Variants in CNTLN observed in about 807,000 individuals in gnomAD.
CNTLN encodes the protein centlein.
CNTLN carries 212 observed loss-of-function variants against 180.0 expected under a neutral mutation model. That is an observed-to-expected ratio of 1.18 (90% CI 1.05 to 1.32). The LOEUF (loss-of-function observed/expected upper bound fraction) is 1.32. CNTLN is among the 40% of genes most tolerant of loss of function. The pLI is 0.00. For missense variants in CNTLN, 2,095 were observed against 1,610.9 expected (o/e 1.30, Z -5.14); for synonymous variants, 722 against 563.1 (o/e 1.28, Z -3.99).
At chr9:17,463,957 G>T (rs1831598883) in intron 20 of CNTLN, among the ~76,000 whole-genome samples, 1 of 151,310 alleles carries the variant, frequency 6.6e-6, no homozygotes, top group Admixed American at 6.6e-5. Context: ...AGCAGCAGCA[G>T]TAGCAGTGGT....
intron 7 of CNTLN, chr9:17,298,652 A>T: frequency 9.7e-7 from 1 of 1,032,530 alleles, no homozygotes; most frequent in Non-Finnish European, 1.2e-6. Flanking sequence ...TATAGTCTCA[A>T]AACTGGAATG....
intron 7 of CNTLN, chr9:17,298,846 C>T (rs1818139224): frequency 1.0e-6 from 1 of 985,410 alleles, no homozygotes; most frequent in Non-Finnish European, 1.2e-6. Flanking sequence ...GTTCAGTAGT[C>T]TTTTACTTTA....
intron 18 of CNTLN, among the ~76,000 whole-genome samples, chr9:17,419,555 A>G (rs544472143): frequency 5.9e-5 from 9 of 152,300 alleles, no homozygotes; most frequent in African/African-American, 2.2e-4. Context: ...TAATTTAGAC[A>G]AAAAGTAGGA....
intron 7 of CNTLN, chr9:17,301,012 G>A (rs1331661288): frequency 1.0e-6 from 1 of 984,492 alleles, no homozygotes; most frequent in African/African-American, 1.7e-5. Context: ...GATGTATGTT[G>A]TAATAGTAGT....
intron 6 of CNTLN, among the ~76,000 whole-genome samples, chr9:17,281,998 C>G (rs1259325548): frequency 6.6e-6 from 1 of 152,110 alleles, no homozygotes; most frequent in South Asian, 2.1e-4. Context: ...AAGTCTCGCT[C>G]TGTTGCCAGG....
At chr9:17,162,574 A>G (rs16935377) in intron 2 of CNTLN, among the ~76,000 whole-genome samples, 2,895 of 152,328 alleles carry the variant, frequency 0.019, 59 homozygotes, top group African/African-American at 0.05. Flanking sequence ...GAGAACTGGA[A>G]TAGTGGTCTT....
chr9:17,189,370 C>A (rs1189833266), intron 2 of CNTLN, among the ~76,000 whole-genome samples: 1 of 151,832 alleles, frequency 6.6e-6, no homozygotes, highest in Non-Finnish European at 1.5e-5. Context: ...GCCTGAACCA[C>A]CGTGCCCGGC....
At chr9:17,450,021 C>T (rs1830691635) in intron 18 of CNTLN, among the ~76,000 whole-genome samples, 1 of 152,154 alleles carries the variant, frequency 6.6e-6, no homozygotes, top group Non-Finnish European at 1.5e-5. Context: ...TTAGCTAGAA[C>T]TTGTGTTACA....
At chr9:17,393,202 G>A (rs1352680538) in intron 14 of CNTLN, among the ~76,000 whole-genome samples, 1 of 151,870 alleles carries the variant, frequency 6.6e-6, no homozygotes, top group African/African-American at 2.4e-5. Context: ...CATTCATGAG[G>A]GCCCCACCCT....
intron 10 of CNTLN, among the ~76,000 whole-genome samples, chr9:17,333,732 G>T (rs1383744486): frequency 8.3e-6 from 1 of 120,884 alleles, no homozygotes; most frequent in East Asian, 2.4e-4. Context: ...ATTATAATGT[G>T]TTTCTACCAA....
chr9:17,291,143 T>A (rs1829375063), intron 6 of CNTLN, among the ~76,000 whole-genome samples: 1 of 152,202 alleles, frequency 6.6e-6, no homozygotes, highest in Non-Finnish European at 1.5e-5. Context: ...TGAGTTATAA[T>A]TTGATTGCGC....
intron 1 of CNTLN, among the ~76,000 whole-genome samples, chr9:17,139,431 T>C (rs1817935676): frequency 1.3e-5 from 2 of 151,300 alleles, no homozygotes; most frequent in Non-Finnish European, 2.9e-5. Context: ...GAGGCTGAGA[T>C]GGGCGGATCA....
At chr9:17,363,045 T>C (rs1278459282) in intron 12 of CNTLN, among the ~76,000 whole-genome samples, 3 of 152,210 alleles carry the variant, frequency 2.0e-5, no homozygotes, top group Non-Finnish European at 4.4e-5. Flanking sequence ...TTCATCCATG[T>C]CCCTGCAAAG....
At chr9:17,228,433 C>G (rs1359160789) in intron 3 of CNTLN, among the ~76,000 whole-genome samples, 2 of 152,018 alleles carry the variant, frequency 1.3e-5, no homozygotes, top group East Asian at 1.9e-4. Flanking sequence ...ATGATTATAA[C>G]TTTCTACAAA....
chr9:17,333,193 T>C (rs1406227358), intron 10 of CNTLN, among the ~76,000 whole-genome samples: 1 of 152,156 alleles, frequency 6.6e-6, no homozygotes, highest in Non-Finnish European at 1.5e-5. Context: ...TCATTTCAGC[T>C]GAATTTGTCT....
chr9:17,299,048 C>A, intron 7 of CNTLN: 1 of 485,254 alleles, frequency 2.1e-6, no homozygotes, highest in Non-Finnish European at 2.7e-6. Context: ...TCGAGACCAT[C>A]CTGGCCAACA....
At chr9:17,235,180 T>A (rs1440135813) in intron 3 of CNTLN, among the ~76,000 whole-genome samples, 1 of 152,222 alleles carries the variant, frequency 6.6e-6, no homozygotes, top group Admixed American at 6.5e-5. Context: ...TTCTAAATAT[T>A]CTGTCTACAG....
chr9:17,212,099 G>A (rs1201630078), intron 2 of CNTLN, among the ~76,000 whole-genome samples: 2 of 152,164 alleles, frequency 1.3e-5, no homozygotes, highest in African/African-American at 4.8e-5. Context: ...ATGTTGAATA[G>A]GAGTGGTGAG....
At chr9:17,318,373 A>C (rs1819677854) in intron 8 of CNTLN, among the ~76,000 whole-genome samples, 1 of 152,170 alleles carries the variant, frequency 6.6e-6, no homozygotes, top group Admixed American at 6.5e-5. Context: ...CATTGCAGAA[A>C]ACAGAATATA....
Sources: allele counts gnomAD v4.1 joint callset (sites outside exome capture counted in the v4.1 genomes callset), GRCh38; gene constraint gnomAD v4.1.1; transcripts MANE v1.5; gene names NCBI Gene and HGNC (gene_info 2026-07-23, HGNC 2026-07-21).